The following MVB12B variants were observed in gnomAD, a reference collection of about 807,000 sequenced individuals.
The protein encoded by MVB12B is ESCRT-I complex subunit MVB12B.
In MVB12B, 16 loss-of-function variants were observed where a neutral mutation model predicts 41.6. The observed-to-expected ratio is 0.38, with a 90% confidence interval of 0.26 to 0.58. The LOEUF is 0.58. Ranked by LOEUF, MVB12B falls within the 20% of genes least tolerant of loss-of-function variation. The pLI, the probability that MVB12B is intolerant of heterozygous loss-of-function variation, is 0.62. For missense variants in MVB12B, 274 were observed against 380.2 expected (o/e 0.72, Z 2.32); for synonymous variants, 133 against 139.7 (o/e 0.95, Z 0.34).
chr9:126,409,116 G>A (rs769888534), intron 6 of MVB12B, among the ~76,000 whole-genome samples: 3 of 113,876 alleles, frequency 2.6e-5, no homozygotes, highest in East Asian at 5.6e-4. Context: ...CTTCCATTGT[G>A]GGGGGGGGCT....
At chr9:126,420,419 AGCTATCACTCTGTG>A (rs1182108260) in intron 6 of MVB12B, among the ~76,000 whole-genome samples, 2 of 152,112 alleles carry the variant, frequency 1.3e-5, no homozygotes, top group African/African-American at 4.8e-5. Flanking sequence ...GTCCGCCATG[AGCTATCACTCTGTG>A]GCTAGCAGAC....
chr9:126,443,163 G>C (rs1832681959), intron 7 of MVB12B, among the ~76,000 whole-genome samples: 1 of 152,208 alleles, frequency 6.6e-6, no homozygotes, highest in Non-Finnish European at 1.5e-5. Flanking sequence ...CACAGTGGAA[G>C]TAGCACTACT....
At position 126,395,882 on chromosome 9, in the gene MVB12B, A is replaced by G. The variant is rs1831099010; in HGVS notation, c.662+185A>G. The stretch of plus-strand genomic sequence containing the variant: ...GGAAATCTTTGCATTACATGAATGC[A>G]AAGGCCATTCTATAGTCTATTTTGT... On this transcript the variant is annotated intron_variant, in intron 6 of 9. Coordinates refer to ENST00000361171, the MANE Select transcript of MVB12B (RefSeq NM_033446.3). This position sits in a 1 kb window ranked among gnomAD's most constrained non-coding sequence, Gnocchi z 4.9. 17 of 1,418,552 alleles carry G rather than the reference A, an allele frequency of 1.2e-5. No individual in the cohort carries two copies. The South Asian group carries it at 2.6e-4, about 22-fold the overall frequency. 87.9% of individuals were successfully genotyped at this position (1,418,552 alleles called of 1,614,324 possible).
intron 7 of MVB12B, among the ~76,000 whole-genome samples, chr9:126,466,911 T>A (rs1833213340): frequency 6.6e-6 from 1 of 152,100 alleles, no homozygotes; most frequent in African/African-American, 2.4e-5. Flanking sequence ...CACTGCATCC[T>A]CCACCTCCTG....
At chr9:126,503,046 C>G in intron 9 of MVB12B, 131 bp from the exon 10 acceptor site, 1 of 814,410 alleles carries the variant, frequency 1.2e-6, no homozygotes, top group Non-Finnish European at 2.1e-6. Context: ...CCGGCCTGGC[C>G]AGCTGCGCCA....
At chr9:126,330,618 C>T (rs564788300) in intron 1 of MVB12B, among the ~76,000 whole-genome samples, 109 of 152,224 alleles carry the variant, frequency 7.2e-4, no homozygotes, top group Admixed American at 5.9e-3. Context: ...GTTAAATACA[C>T]GTAACATAAA....
chr9:126,482,601 G>A (rs558981547), intron 8 of MVB12B, among the ~76,000 whole-genome samples: 7 of 152,286 alleles, frequency 4.6e-5, no homozygotes, highest in African/African-American at 1.7e-4. Flanking sequence ...GAATTTAGTG[G>A]GGTGGTTAGA....
At chr9:126,400,833 G>A (rs549295612) in intron 6 of MVB12B, among the ~76,000 whole-genome samples, 158 of 152,350 alleles carry the variant, frequency 1.0e-3, no homozygotes, top group East Asian at 5.2e-3. Context: ...TGGTGATGCG[G>A]ACACCGTGTC....
chr9:126,326,896 C>A lies in MVB12B; in HGVS notation c.-34C>A. 5.1e-6 allele frequency: 1 copy of A among 195,046 alleles called. No individual in the cohort carries two copies. The highest frequency in any genetic ancestry group is 2.4e-5 in the African/African-American group (1 of 41,146). 12.1% of individuals were successfully genotyped at this position (195,046 alleles called of 1,614,324 possible). A position where few individuals can be genotyped will look rare whatever the true frequency, so the allele number is the denominator to read the frequency against. On this transcript the variant is annotated 5_prime_UTR_variant, in exon 1 of 10. Transcript: ENST00000361171. Reference sequence around the variant, plus strand: ...GCGGCGCCGGCTCCTGCCGCCTGGGCCCCGGGCCCGGCCCCTCCCGCGCCG... The same window carrying A: ...GCGGCGCCGGCTCCTGCCGCCTGGGACCCGGGCCCGGCCCCTCCCGCGCCG...
At chr9:126,371,519 CCTG>C (rs1254959015) in intron 2 of MVB12B, among the ~76,000 whole-genome samples, 11 of 152,200 alleles carry the variant, frequency 7.2e-5, no homozygotes, top group African/African-American at 2.7e-4. Flanking sequence ...TTTCTGCCTC[CCTG>C]CCCAACCTCA....
intron 9 of MVB12B, among the ~76,000 whole-genome samples, chr9:126,498,450 TCACCTGGCCC>T (rs1833884603): frequency 6.6e-6 from 1 of 152,190 alleles, no homozygotes; most frequent in South Asian, 2.1e-4. Flanking sequence ...CCACCTGTCC[TCACCTGGCCC>T]AGCCCCTGCC....
At chr9:126,362,407 G>A (rs750613819) in intron 2 of MVB12B, among the ~76,000 whole-genome samples, 22 of 152,010 alleles carry the variant, frequency 1.4e-4, no homozygotes, top group Non-Finnish European at 2.6e-4. Flanking sequence ...AAATCTAATA[G>A]TAAAATAAAA....
intron 7 of MVB12B, among the ~76,000 whole-genome samples, chr9:126,472,102 G>A (rs1005315959): frequency 5.9e-5 from 9 of 152,068 alleles, no homozygotes; most frequent in Non-Finnish European, 1.3e-4. Context: ...CGTTGGGGAG[G>A]GATAAGGGTT....
chr9:126,397,721 T>G, intron 6 of MVB12B: 1 of 676,658 alleles, frequency 1.5e-6, no homozygotes, highest in Non-Finnish European at 1.8e-6. Context: ...TGTGGGGTTT[T>G]TTTGTGTGTT....
In MVB12B at chr9:126,468,802, C is replaced by T. The variant is rs145340453; in HGVS notation, c.758-12567C>T. On this transcript the variant is annotated intron_variant, in intron 7 of 9. Transcript: ENST00000361171. This position sits in a 1 kb window ranked among gnomAD's most constrained non-coding sequence, Gnocchi z 4.3. ...CCCTTTGGTGGCTCCCCAGGGACCT[C>T]ATGATGTCCTTCAGTCTGCTGAGAA... Among the ~76,000 whole-genome samples the T allele has an allele frequency of 6.6e-6, 1 of 152,362 alleles. No homozygotes were observed. The highest frequency in any genetic ancestry group is 1.5e-5 in the Non-Finnish European group (1 of 68,036).
At chr9:126,415,412 C>A (rs1831787597) in intron 6 of MVB12B, among the ~76,000 whole-genome samples, 1 of 151,658 alleles carries the variant, frequency 6.6e-6, no homozygotes, top group Non-Finnish European at 1.5e-5. Flanking sequence ...TAAAAGACAG[C>A]CAAATATTTC....
intron 9 of MVB12B, among the ~76,000 whole-genome samples, chr9:126,494,931 C>T (rs1054779263): frequency 2.0e-5 from 3 of 151,796 alleles, no homozygotes; most frequent in Non-Finnish European, 4.4e-5. Flanking sequence ...GTGGCTCACA[C>T]CTGTAATCCC....
intron 7 of MVB12B, among the ~76,000 whole-genome samples, chr9:126,463,817 C>T (rs1272107553): frequency 6.6e-6 from 1 of 152,142 alleles, no homozygotes; most frequent in African/African-American, 2.4e-5. Context: ...TATTTTATAC[C>T]ATTTTTTTTA....
chr9:126,457,896 A>G (rs1039269776), intron 7 of MVB12B, among the ~76,000 whole-genome samples: 1 of 152,176 alleles, frequency 6.6e-6, no homozygotes, highest in African/African-American at 2.4e-5. Context: ...GCCCCTCTCC[A>G]CCAAAACCAG....
Sources: gnomAD v4.1 joint callset for allele counts (sites outside exome capture counted in the v4.1 genomes callset) on GRCh38, gnomAD v4.1.1 for gene constraint, Gnocchi (gnomAD v3.1) non-coding constraint, MANE v1.5 for transcripts, NCBI Gene and HGNC (gene_info 2026-07-23, HGNC 2026-07-21) for gene names.